HEXD: variants seen among roughly 807,000 people sequenced by gnomAD.
HEXD encodes N-acetyl-beta-galactosaminidase.
In HEXD, 47 loss-of-function variants were observed where a neutral mutation model predicts 54.2. That is an observed-to-expected ratio of 0.87 (90% CI 0.69 to 1.11). The LOEUF is 1.11. HEXD is among the 50% of genes least tolerant of loss of function. The pLI is 0.00. For synonymous variants in HEXD, 293 were observed against 287.6 expected, an observed-to-expected ratio of 1.02 and a Z score of -0.19; for missense variants, 576 against 649.2, an observed-to-expected ratio of 0.89 and a Z score of 1.23.
chr17:82,440,872 G>A (rs1203660104), intron 9 of HEXD, 125 bp from the exon 10 acceptor site: 25 of 1,078,430 alleles, frequency 2.3e-5, no homozygotes, highest in Non-Finnish European at 2.8e-6. Context: ...GCGGGGCTGG[G>A]CCTGGCCAGT....
chr17:82,440,339 G>A, intron 9 of HEXD: 14 of 1,233,192 alleles, frequency 1.1e-5, no homozygotes, highest in Non-Finnish European at 1.4e-5. Flanking sequence ...CGGCCGGTGA[G>A]AGGACGCAGA....
intron 2 of HEXD, among the ~76,000 whole-genome samples, chr17:82,423,791 CGA>C (rs1567882615): frequency 6.4e-5 from 9 of 139,572 alleles, no homozygotes; most frequent in Non-Finnish European, 1.5e-5. Flanking sequence ...CCAGCCTGGG[CGA>C]GAGAGCGAGA....
At chr17:82,421,723 G>T (rs999423577) in intron 2 of HEXD, among the ~76,000 whole-genome samples, 1 of 152,312 alleles carries the variant, frequency 6.6e-6, no homozygotes, top group East Asian at 1.9e-4. Context: ...CTACTTGGGA[G>T]TCTGAAGCAG....
intron 4 of HEXD, among the ~76,000 whole-genome samples, chr17:82,433,130 T>TATATATATATA (rs2053656125): frequency 1.5e-4 from 3 of 20,058 alleles, no homozygotes; most frequent in Non-Finnish European, 2.3e-4. Context: ...ATATATATAT[T>TATATATATATA]TTTTTTTTTT....
intron 3 of HEXD, among the ~76,000 whole-genome samples, chr17:82,424,966 T>TTAGAGAAGGCCAGAGAAGGCTGGGC (rs2053357419): frequency 8.8e-6 from 1 of 113,094 alleles, no homozygotes; most frequent in South Asian, 2.9e-4. Context: ...CTACAGAAGG[T>TTAGAGAAGGCCAGAGAAGGCTGGGC]TAGAGAAGGC....
At position 82,419,875 on chromosome 17, in the gene HEXD, C is replaced by G; in HGVS notation, c.76C>G (p.Leu26Val). 1 of 1,604,254 alleles carries G rather than the reference C, an allele frequency of 6.2e-7. No homozygotes were observed. Among genetic ancestry groups the G allele is most frequent in the Non-Finnish European group, 8.5e-7 (1 of 1,171,440 alleles). The change falls in exon 2 of 13, where the codon CTC (leucine) becomes GTC (valine). Residue 26 changes from leucine (L) to valine (V), a missense_variant. Coordinates refer to ENST00000327949, the MANE Select transcript of HEXD (RefSeq NM_001330542.2). ...LKGAPPKVSY[L>V]SEIFPLFRAL... ...AGGAGCTCCACCAAAGGTCTCGTACCTCTCAGAGGTAAGGACTCCCTTTTA... is the reference window on the plus strand; with the variant it reads ...AGGAGCTCCACCAAAGGTCTCGTACGTCTCAGAGGTAAGGACTCCCTTTTA...
rs2053133102 is a variant in HEXD, at chr17:82,418,568, A to T, written c.-224A>T. On this transcript the variant is annotated 5_prime_UTR_variant, in exon 1 of 13. Transcript: ENST00000327949. ...CCGTAACAGGGAGCGCGAGGCAGGC[A>T]CGGCGCAGGGACGCGAGTGCGACGC... is the stretch of plus-strand genomic sequence containing the variant. 1.1e-5 allele frequency: 8 copies of T among 729,934 alleles called. No individual in the cohort carries two copies. The highest frequency in any genetic ancestry group is 1.5e-5 in the Non-Finnish European group (8 of 525,188). 45.2% of individuals were successfully genotyped at this position (729,934 alleles called of 1,614,324 possible).
chr17:82,427,805 A>G (rs2053459573), intron 3 of HEXD, among the ~76,000 whole-genome samples: 1 of 152,226 alleles, frequency 6.6e-6, no homozygotes, highest in Admixed American at 6.5e-5. Context: ...CATAAATGAC[A>G]GCTCATGTAA....
intron 9 of HEXD, chr17:82,440,288 A>T: frequency 7.8e-7 from 1 of 1,279,274 alleles, no homozygotes; most frequent in Non-Finnish European, 1.0e-6. Context: ...AGACGCGCGG[A>T]GAGCGGGACC....
intron 4 of HEXD, 128 bp from the exon 5 acceptor site, chr17:82,433,530 A>G (rs2143550123): frequency 1.1e-6 from 1 of 871,876 alleles, no homozygotes; most frequent in Admixed American, 3.6e-5. Context: ...GGATTACAGG[A>G]CTGAGACTCT....
In HEXD at chr17:82,434,043, C is replaced by T. The variant is rs921449537; in HGVS notation, c.447+221C>T. 5.9e-5 allele frequency among the ~76,000 whole-genome samples: 9 copies of T among 152,172 alleles called. No individual in the cohort carries two copies. The highest frequency in any genetic ancestry group is 1.2e-4 in the Non-Finnish European group (8 of 68,016). On this transcript the variant is annotated intron_variant, in intron 5 of 12. Transcript: ENST00000327949. The surrounding 1 kb of genome is among the most constrained non-coding windows in gnomAD (Gnocchi z 4.5). ...TCGTGTCAGACGCGTCCAACATCTT[C>T]TCCGGGTGGATGGGCGGCCTGGCAC...
At chr17:82,420,083 GAA>G (rs939034680) in intron 2 of HEXD, 200 bp downstream of exon 2, 540 of 298,042 alleles carry the variant, frequency 1.8e-3, no homozygotes, top group Middle Eastern at 3.0e-3. Flanking sequence ...TGACAAAAGG[GAA>G]AAAAAAAAAA....
intron 11 of HEXD, among the ~76,000 whole-genome samples, chr17:82,441,479 G>A (rs1166575177): frequency 7.0e-6 from 1 of 143,178 alleles, no homozygotes; most frequent in Admixed American, 6.8e-5. Context: ...GTGGGTGAGG[G>A]GCAGGTGCAG....
At chr17:82,426,098 C>T (rs2053405480) in intron 3 of HEXD, 1 of 152,390 alleles carries the variant, frequency 6.6e-6, no homozygotes, top group African/African-American at 2.4e-5. Context: ...GTCTCTACAG[C>T]AACAGAGGTA....
chr17:82,424,352 C>T (rs2053331650), intron 2 of HEXD, 42 bp from the exon 3 acceptor site: 1 of 1,361,286 alleles, frequency 7.3e-7, no homozygotes, highest in Non-Finnish European at 1.1e-6. Flanking sequence ...CATCGTGCTC[C>T]AGCAGCCACT....
At position 82,442,051 on chromosome 17, in the gene HEXD, T is replaced by C; in HGVS notation, c.1254-126T>C. 1 of 1,348,228 alleles carries C rather than the reference T, an allele frequency of 7.4e-7. No homozygotes were observed. The highest frequency in any genetic ancestry group is 2.3e-5 in the East Asian group (1 of 42,700). The allele number at this position is 1,348,228 out of a possible 1,614,324, so 83.5% of individuals were successfully genotyped here. A position where few individuals can be genotyped will look rare whatever the true frequency, so the allele number is the denominator to read the frequency against. On this transcript the variant is annotated intron_variant, in intron 12 of 12. Coordinates refer to ENST00000327949, the MANE Select transcript of HEXD (RefSeq NM_001330542.2). This position sits in a 1 kb window ranked among gnomAD's most constrained non-coding sequence, Gnocchi z 6.8. Reference sequence around the variant, plus strand: ...TGTCACCGACTTGTTCCTCCCGACATGCCGATGAGGTAGGGTCAGTAGCCC... The same window carrying C: ...TGTCACCGACTTGTTCCTCCCGACACGCCGATGAGGTAGGGTCAGTAGCCC...
chr17:82,433,038 A>C (rs182274559), intron 4 of HEXD, among the ~76,000 whole-genome samples: 2,524 of 115,228 alleles, frequency 0.022, 122 homozygotes, highest in African/African-American at 0.08. Flanking sequence ...TGCACTCCAG[A>C]CTGGGCGGCA....
At position 82,433,348 on chromosome 17, in the gene HEXD, C is replaced by T. The variant is rs550978257; in HGVS notation, c.283-310C>T. ...TCCCCAGCTACTGGGAAGGCTGAGG[C>T]GGGAGGATCACTTGAACCTGGGAGG... On this transcript the variant is annotated intron_variant, in intron 4 of 12. Coordinates refer to ENST00000327949, the MANE Select transcript of HEXD (RefSeq NM_001330542.2). Among the ~76,000 whole-genome samples, 21 of 151,410 alleles carry T rather than the reference C, an allele frequency of 1.4e-4. No homozygotes were observed. The South Asian group carries it at 3.5e-3, about 26-fold the overall frequency.
At chr17:82,432,029 T>C (rs1212229805) in intron 4 of HEXD, among the ~76,000 whole-genome samples, 1 of 152,236 alleles carries the variant, frequency 6.6e-6, no homozygotes, top group Non-Finnish European at 1.5e-5. Flanking sequence ...TTGGTTCTTA[T>C]TTTTACATTT....
Sources: gnomAD v4.1 joint callset for allele counts (sites outside exome capture counted in the v4.1 genomes callset) on GRCh38, gnomAD v4.1.1 for gene constraint, Gnocchi (gnomAD v3.1) non-coding constraint, MANE v1.5 for transcripts, NCBI Gene and HGNC (gene_info 2026-07-23, HGNC 2026-07-21) for gene names.